The following RALGAPA2 variants were observed in gnomAD, a reference collection of about 807,000 sequenced individuals.
RALGAPA2 encodes the protein ral GTPase-activating protein subunit alpha-2.
RALGAPA2 carries 139 observed loss-of-function variants against 230.4 expected under a neutral mutation model. That is an observed-to-expected ratio of 0.60 (90% confidence interval 0.53 to 0.69). RALGAPA2 has a LOEUF of 0.69. Ranked by LOEUF, RALGAPA2 falls within the 30% of genes least tolerant of loss-of-function variation. RALGAPA2 has a pLI of 0.00. For synonymous variants in RALGAPA2, 847 were observed against 837.8 expected, an observed-to-expected ratio of 1.01 and a Z score of -0.19; for missense variants, 2,163 against 2,276.0, an observed-to-expected ratio of 0.95 and a Z score of 1.01.
chr20:20,614,620 A>C (rs563591144), intron 13 of RALGAPA2, among the ~76,000 whole-genome samples: 1 of 152,330 alleles, frequency 6.6e-6, no homozygotes, highest in South Asian at 2.1e-4. Context: ...TGACATTGGA[A>C]TCTACATCAT....
intron 12 of RALGAPA2, 110 bp downstream of exon 12, chr20:20,619,167 G>A (rs1161748986): frequency 1.8e-6 from 2 of 1,086,654 alleles, no homozygotes; most frequent in Non-Finnish European, 2.4e-6. Flanking sequence ...CTGACAGATG[G>A]CTACAAATAC....
chr20:20,505,896 T>C (rs1214496403), intron 33 of RALGAPA2, among the ~76,000 whole-genome samples: 1 of 152,212 alleles, frequency 6.6e-6, no homozygotes, highest in East Asian at 1.9e-4. Flanking sequence ...CACCATTTGG[T>C]AAGTTCTCTG....
chr20:20,556,869 T>C (rs536076859), intron 23 of RALGAPA2, among the ~76,000 whole-genome samples: 2 of 152,214 alleles, frequency 1.3e-5, no homozygotes, highest in Admixed American at 1.3e-4. Context: ...AGGAGGATAC[T>C]AAAATATTTT....
intron 38 of RALGAPA2, among the ~76,000 whole-genome samples, chr20:20,405,340 ACTTCAAG>A (rs1359335466): frequency 6.6e-6 from 1 of 152,112 alleles, no homozygotes; most frequent in East Asian, 1.9e-4. Flanking sequence ...CTCCAATAAG[ACTTCAAG>A]CTTCACAAGG....
At chr20:20,483,887 C>G (rs1371699647) in intron 36 of RALGAPA2, among the ~76,000 whole-genome samples, 1 of 152,118 alleles carries the variant, frequency 6.6e-6, no homozygotes, top group East Asian at 1.9e-4. Context: ...TCTGGATATT[C>G]AGAGAGAGCT....
intron 2 of RALGAPA2, among the ~76,000 whole-genome samples, chr20:20,677,447 A>C (rs2068368467): frequency 1.3e-5 from 2 of 152,040 alleles, no homozygotes; most frequent in Non-Finnish European, 2.9e-5. Flanking sequence ...TGTCTGGCTT[A>C]GTCAGAAAAC....
chr20:20,674,867 G>A (rs2068263041), intron 3 of RALGAPA2, among the ~76,000 whole-genome samples: 1 of 152,200 alleles, frequency 6.6e-6, no homozygotes, highest in Non-Finnish European at 1.5e-5. Context: ...ATAAAATGCA[G>A]GGGAGTTACT....
chr20:20,577,146 TC>T (rs1455033446), intron 20 of RALGAPA2, among the ~76,000 whole-genome samples: 1 of 152,104 alleles, frequency 6.6e-6, no homozygotes, highest in Non-Finnish European at 1.5e-5. Context: ...GAGTGTCATC[TC>T]GAGTGTATAT....
chr20:20,399,206 G>A (rs2059780589), intron 38 of RALGAPA2, among the ~76,000 whole-genome samples: 1 of 152,130 alleles, frequency 6.6e-6, no homozygotes, highest in Admixed American at 6.5e-5. Context: ...AATCAGCTGG[G>A]TGTGGTGGTG....
chr20:20,587,221 A>G (rs2065159710), intron 18 of RALGAPA2, among the ~76,000 whole-genome samples: 1 of 152,212 alleles, frequency 6.6e-6, no homozygotes, highest in Non-Finnish European at 1.5e-5. Context: ...TCAGCAACAA[A>G]GAAAGACAAA....
chr20:20,404,128 C>A (rs1184432925), intron 38 of RALGAPA2, among the ~76,000 whole-genome samples: 1 of 152,126 alleles, frequency 6.6e-6, no homozygotes, highest in East Asian at 1.9e-4. Flanking sequence ...TTTCCCTATT[C>A]TTTCTCGGCA....
chr20:20,589,337 C>T lies in RALGAPA2; in HGVS notation c.2370G>A (p.Ser790=), dbSNP rs374795341. 6 of 1,590,854 alleles carry T rather than the reference C, an allele frequency of 3.8e-6. No homozygotes were observed. Among genetic ancestry groups the T allele is most frequent in the South Asian group, 2.3e-5 (2 of 87,588 alleles). The change falls in exon 18 of 40, where the codon TCG becomes TCA. Residue 790 remains serine (S), a synonymous_variant. Coordinates refer to ENST00000202677, the MANE Select transcript of RALGAPA2 (RefSeq NM_020343.4). ...GAATAGGCTGAGGCTCTGAAGAACT[C>T]GAATTCTGTGTGTTTTCTGCCTTTT... ...QGQKAENTQN[S]SSSEPQPIQE...
chr20:20,592,654 T>C (rs2065327800), intron 16 of RALGAPA2, among the ~76,000 whole-genome samples: 1 of 152,226 alleles, frequency 6.6e-6, no homozygotes, highest in African/African-American at 2.4e-5. Context: ...GCCTGTATTA[T>C]CTTAACTGGC....
chr20:20,630,995 C>T (rs1022273116), intron 9 of RALGAPA2, among the ~76,000 whole-genome samples: 5 of 152,134 alleles, frequency 3.3e-5, no homozygotes, highest in African/African-American at 9.7e-5. Flanking sequence ...TCCACAGAGA[C>T]GTGAGGCCCA....
intron 39 of RALGAPA2, among the ~76,000 whole-genome samples, chr20:20,393,521 A>G (rs1156462956): frequency 6.6e-6 from 1 of 152,248 alleles, no homozygotes; most frequent in Non-Finnish European, 1.5e-5. Flanking sequence ...TGTCCAATTC[A>G]TAAGTAAAGA....
rs115991270 is a variant in RALGAPA2 at position 20,585,303 on chromosome 20, T to C, written c.2440-348A>G. On this transcript the variant is annotated intron_variant, in intron 18 of 39. Transcript: ENST00000202677. ...TGTGAACACAATGCTCTAGGAGGCATAAGTTATGCACACAAATGATAAGTG... is the reference window on the plus strand; with the variant it reads ...TGTGAACACAATGCTCTAGGAGGCACAAGTTATGCACACAAATGATAAGTG... Among the ~76,000 whole-genome samples, 621 of 152,260 alleles carry C rather than the reference T, an allele frequency of 4.1e-3. 3 individuals are homozygous for C. Among genetic ancestry groups the C allele is most frequent in the African/African-American group, 0.014 (588 of 41,546 alleles).
chr20:20,461,921 T>C (rs1397986920), intron 37 of RALGAPA2, among the ~76,000 whole-genome samples: 3 of 152,120 alleles, frequency 2.0e-5, no homozygotes, highest in Non-Finnish European at 4.4e-5. Context: ...GCTTGTTCCA[T>C]GACAAGCAGA....
intron 23 of RALGAPA2, among the ~76,000 whole-genome samples, chr20:20,568,727 C>T (rs1227049051): frequency 6.6e-6 from 1 of 152,160 alleles, no homozygotes; most frequent in East Asian, 1.9e-4. Flanking sequence ...AACAACCAAG[C>T]CATACAAAGC....
In RALGAPA2 at chr20:20,637,586, A is replaced by T. The variant is rs1025263512; in HGVS notation, c.667-85T>A. Reference sequence around the variant, plus strand: ...AAACTGAAGTGTTGTTATGTTACTAAAATTCCTAACCTAAATGTAAAAAAT... The same window carrying T: ...AAACTGAAGTGTTGTTATGTTACTATAATTCCTAACCTAAATGTAAAAAAT... On this transcript the variant is annotated intron_variant, in intron 7 of 39. Transcript: ENST00000202677. 1.3e-5 allele frequency: 16 copies of T among 1,213,042 alleles called. No homozygotes were observed. The African/African-American group carries it at 2.1e-4, about 16-fold the overall frequency. The allele number at this position is 1,213,042 out of a possible 1,614,324, so 75.1% of individuals were successfully genotyped here.
Sources: allele counts gnomAD v4.1 joint callset (sites outside exome capture counted in the v4.1 genomes callset), GRCh38; gene constraint gnomAD v4.1.1; transcripts MANE v1.5; gene names NCBI Gene and HGNC (gene_info 2026-07-23, HGNC 2026-07-21).